Variants in GAL3ST1 observed in about 807,000 individuals in gnomAD.
GAL3ST1 encodes the protein galactosylceramide sulfotransferase.
A neutral mutation model predicts 25.0 loss-of-function variants in GAL3ST1; 13 were observed. That is an observed-to-expected ratio of 0.52 (90% confidence interval 0.34 to 0.83). The LOEUF is 0.83. Ranked by LOEUF, GAL3ST1 falls within the 40% of genes least tolerant of loss-of-function variation. The probability of loss-of-function intolerance (pLI) is 0.02; values close to 1 mark genes in which losing one functional copy is unlikely to be tolerated. For synonymous variants in GAL3ST1, 274 were observed against 277.8 expected (o/e 0.99, Z 0.14); for missense variants, 474 against 613.6 (o/e 0.77, Z 2.40).
chr22:30,569,809 G>A (rs192841386), intron 1 of GAL3ST1, among the ~76,000 whole-genome samples: 4 of 152,304 alleles, frequency 2.6e-5, no homozygotes, highest in East Asian at 1.9e-4. Context: ...TTCCCCAGCC[G>A]GGCACGGTGG....
intron 1 of GAL3ST1, among the ~76,000 whole-genome samples, chr22:30,563,791 C>T (rs2086527231): frequency 6.6e-6 from 1 of 151,832 alleles, no homozygotes; most frequent in Admixed American, 6.6e-5. Flanking sequence ...TGGCAGGCAC[C>T]TGTAGTCCCA....
intron 1 of GAL3ST1, among the ~76,000 whole-genome samples, chr22:30,561,972 C>G (rs2086435836): frequency 6.6e-6 from 1 of 152,204 alleles, no homozygotes; most frequent in African/African-American, 2.4e-5. Flanking sequence ...ACAGGCAGAG[C>G]CCCTGGGCAG....
At position 30,555,214 on chromosome 22, in the gene GAL3ST1, G is replaced by A. The variant is rs575559122; in HGVS notation, c.1011C>T (p.Ala337=). 7.8e-5 allele frequency: 125 copies of A among 1,599,240 alleles called. 1 individual carries two copies. In the East Asian group the frequency reaches 1.3e-3, roughly 17 times the overall value. ...TGCAGATGGTCCGCATGCGCTCGTTGGCATGGCGCAGGGCGGCCACCTCGC... is the reference window on the plus strand; with the variant it reads ...TGCAGATGGTCCGCATGCGCTCGTTAGCATGGCGCAGGGCGGCCACCTCGC... ...MAREVAALRH[A]NERMRTICID... The change falls in exon 4 of 4, where the codon GCC becomes GCT. Residue 337 remains alanine (A), a synonymous_variant. Coordinates refer to ENST00000406361, the MANE Select transcript of GAL3ST1 (RefSeq NM_001318104.2). The surrounding 1 kb of genome is among the most constrained non-coding windows in gnomAD (Gnocchi z 8.6).
chr22:30,570,539 G>A (rs984986505), intron 1 of GAL3ST1, among the ~76,000 whole-genome samples: 1 of 152,242 alleles, frequency 6.6e-6, no homozygotes, highest in African/African-American at 2.4e-5. Flanking sequence ...GCTCACGCCT[G>A]TAATCCCAGC....
At position 30,554,820 on chromosome 22, in the gene GAL3ST1, C is replaced by G. The variant is rs111476418; in HGVS notation, c.*133G>C. 4.7e-3 allele frequency: 3,055 copies of G among 656,266 alleles called. 11 individuals are homozygous for G. The highest frequency in any genetic ancestry group is 6.5e-3 in the Non-Finnish European group (2,628 of 402,826). 40.7% of individuals were successfully genotyped at this position (656,266 alleles called of 1,614,324 possible). A position where few individuals can be genotyped will look rare whatever the true frequency, so the allele number is the denominator to read the frequency against. ...CCCAGTCTTGGCTGGCTGCCTCCCCCCAGGGAGCCCCCCCTCACCCCGGGG... is the reference window on the plus strand; with the variant it reads ...CCCAGTCTTGGCTGGCTGCCTCCCCGCAGGGAGCCCCCCCTCACCCCGGGG... On this transcript the variant is annotated 3_prime_UTR_variant, in exon 4 of 4. Transcript: ENST00000406361.
intron 1 of GAL3ST1, among the ~76,000 whole-genome samples, chr22:30,566,960 T>G (rs1040451702): frequency 6.6e-6 from 1 of 151,852 alleles, no homozygotes; most frequent in Non-Finnish European, 1.5e-5. Context: ...ATTTTTATTT[T>G]ATTTTATTTT....
rs531420672 is a variant in GAL3ST1, at chr22:30,568,722, T to C, written c.-120+5744A>G. Among the ~76,000 whole-genome samples the C allele has an allele frequency of 1.3e-4, 20 of 152,126 alleles. No individual in the cohort carries two copies. The South Asian group carries it at 4.2e-3, about 32-fold the overall frequency. ...GAGTGTTTGGTGTGTTTGCGTGTAA[T>C]AGGCTGGGTGGGCAGGGGAGAGACT... On this transcript the variant is annotated intron_variant, in intron 1 of 3. Transcript: ENST00000406361.
At position 30,555,079 on chromosome 22, in the gene GAL3ST1, G is replaced by A. The variant is rs925792036; in HGVS notation, c.1146C>T (p.Ile382=). 2.5e-6 allele frequency: 4 copies of A among 1,612,524 alleles called. No individual in the cohort carries two copies. Among genetic ancestry groups the A allele is most frequent in the Non-Finnish European group, 3.4e-6 (4 of 1,179,752 alleles). ...SILGYNLKKS[I]GQRHAQLCRR... is the part of the protein sequence containing the mutation. ...GGCAGAGCTGCGCGTGCCGCTGCCCGATGCTCTTCTTGAGGTTGTAGCCCA... is the reference window on the plus strand; with the variant it reads ...GGCAGAGCTGCGCGTGCCGCTGCCCAATGCTCTTCTTGAGGTTGTAGCCCA... Residue 382 remains isoleucine, a synonymous_variant, in exon 4 of 4, where the codon ATC becomes ATT. Transcript: ENST00000406361. This position sits in a 1 kb window ranked among gnomAD's most constrained non-coding sequence, Gnocchi z 8.6.
intron 1 of GAL3ST1, among the ~76,000 whole-genome samples, chr22:30,568,735 C>T (rs564839420): frequency 3.3e-5 from 5 of 151,962 alleles, no homozygotes; most frequent in African/African-American, 7.3e-5. Context: ...GCTGGGTGGG[C>T]AGGGGAGAGA....
In GAL3ST1 at chr22:30,555,697, G is replaced by A. The variant is rs775711991; in HGVS notation, c.528C>T (p.Tyr176=). ...PARLFESSFH[Y]FGPVVPLTWK... is the part of the protein sequence containing the mutation. ...ACGTGAGGGGCACCACCGGCCCGAA[G>A]TAGTGGAAGGAGGACTCGAACAAGC... Residue 176 remains tyrosine (Y), a synonymous_variant, in exon 4 of 4, where the codon TAC becomes TAT. Transcript: ENST00000406361. This position sits in a 1 kb window ranked among gnomAD's most constrained non-coding sequence, Gnocchi z 8.6. The A allele has an allele frequency of 1.7e-5, 27 of 1,613,804 alleles. No individual in the cohort carries two copies. Among genetic ancestry groups the A allele is most frequent in the African/African-American group, 2.7e-5 (2 of 74,956 alleles).
At chr22:30,564,576 C>T (rs1239388014) in intron 1 of GAL3ST1, among the ~76,000 whole-genome samples, 7 of 152,246 alleles carry the variant, frequency 4.6e-5, no homozygotes, top group Non-Finnish European at 1.0e-4. Flanking sequence ...CTAGATTACG[C>T]CCATCACATT....
At chr22:30,569,554 T>C (rs1008970998) in intron 1 of GAL3ST1, among the ~76,000 whole-genome samples, 2 of 148,972 alleles carry the variant, frequency 1.3e-5, no homozygotes, top group Non-Finnish European at 3.0e-5. Flanking sequence ...GGGATGATCA[T>C]AGAATGCCTG....
At chr22:30,557,488 T>G (rs982383397) in intron 2 of GAL3ST1, 87 bp from the exon 3 acceptor site, 5 of 1,447,124 alleles carry the variant, frequency 3.5e-6, no homozygotes, top group East Asian at 2.3e-5. Context: ...AGTTGAGCCC[T>G]GCCTTTGCCT....
intron 1 of GAL3ST1, among the ~76,000 whole-genome samples, chr22:30,571,455 C>A (rs1206557870): frequency 6.6e-6 from 1 of 152,202 alleles, no homozygotes; most frequent in Non-Finnish European, 1.5e-5. Flanking sequence ...TGCGACCTAG[C>A]CTGCAGGGGT....
At chr22:30,572,924 G>GA (rs2086823694) in intron 1 of GAL3ST1, 1 of 152,246 alleles carries the variant, frequency 6.6e-6, no homozygotes, top group Non-Finnish European at 1.5e-5. Flanking sequence ...CAGTCCCTCA[G>GA]AACACAGTGG....
At chr22:30,569,776 C>T (rs1030046604) in intron 1 of GAL3ST1, among the ~76,000 whole-genome samples, 1 of 152,170 alleles carries the variant, frequency 6.6e-6, no homozygotes, top group African/African-American at 2.4e-5. Flanking sequence ...GAGTTTGCAG[C>T]ACCGCTATTC....
Position 30,554,645 on chromosome 22 carries a change from CACA to C in GAL3ST1, c.*305_*307del, listed in dbSNP as rs2085877337. On this transcript the variant is annotated 3_prime_UTR_variant, in exon 4 of 4. Coordinates refer to ENST00000406361, the MANE Select transcript of GAL3ST1 (RefSeq NM_001318104.2). ...CACCACTGAGGCTGATTAACAAAAA[CACA>C]ACATCAAATTCCTTTACTTCTGAGG... 8.0e-6 allele frequency: 1 copy of C among 124,664 alleles called. No homozygotes were observed. The highest frequency in any genetic ancestry group is 1.6e-5 in the Non-Finnish European group (1 of 63,828). The allele number at this position is 124,664 out of a possible 1,614,324, so 7.7% of individuals were successfully genotyped here.
At chr22:30,562,142 C>G (rs981793477) in intron 1 of GAL3ST1, among the ~76,000 whole-genome samples, 1 of 152,128 alleles carries the variant, frequency 6.6e-6, no homozygotes, top group Non-Finnish European at 1.5e-5. Context: ...CCTTGAAATC[C>G]TGGGCTCAGT....
chr22:30,561,265 C>G (rs1267641049), intron 1 of GAL3ST1, among the ~76,000 whole-genome samples: 1 of 152,206 alleles, frequency 6.6e-6, no homozygotes, highest in Non-Finnish European at 1.5e-5. Flanking sequence ...TTTCTCAAAG[C>G]TTGCCAGGCC....
Sources: gnomAD v4.1 joint callset for allele counts (sites outside exome capture counted in the v4.1 genomes callset) on GRCh38, gnomAD v4.1.1 for gene constraint, Gnocchi (gnomAD v3.1) non-coding constraint, MANE v1.5 for transcripts, NCBI Gene and HGNC (gene_info 2026-07-23, HGNC 2026-07-21) for gene names.